ASIC3: variants seen among roughly 807,000 people sequenced by gnomAD.
The protein encoded by ASIC3 is acid-sensing ion channel 3.
Under a neutral mutation model 58.6 loss-of-function variants are expected in ASIC3, and 46 were observed. The observed-to-expected ratio is 0.79, with a 90% CI of 0.62 to 1.00. The LOEUF (loss-of-function observed/expected upper bound fraction) is 1.00, where lower values mean the gene tolerates loss of function less well. Ranked by LOEUF, ASIC3 falls within the 50% of genes least tolerant of loss-of-function variation. ASIC3 has a pLI of 0.00. For missense variants in ASIC3, 770 were observed against 735.0 expected, an observed-to-expected ratio of 1.05 and a Z score of -0.55; for synonymous variants, 336 against 300.2, an observed-to-expected ratio of 1.12 and a Z score of -1.23.
chr7:151,049,874 C>T (rs1467248284), intron 1 of ASIC3, among the ~76,000 whole-genome samples: 2 of 152,240 alleles, frequency 1.3e-5, no homozygotes, highest in Non-Finnish European at 2.9e-5. Context: ...ACAGAAAAAC[C>T]TGTAGGCTGT....
At chr7:151,051,390 G>T in intron 6 of ASIC3, 71 bp downstream of exon 6, 2 of 1,407,964 alleles carry the variant, frequency 1.4e-6, no homozygotes, top group Non-Finnish European at 9.2e-7. Flanking sequence ...GGCAGGCCAG[G>T]CCGTAGCCCT....
chr7:151,051,152 C>A lies in ASIC3; in HGVS notation c.1067-20C>A. The A allele has an allele frequency of 1.3e-6, 2 of 1,597,210 alleles. No individual in the cohort carries two copies. The highest frequency in any genetic ancestry group is 2.3e-5 in the East Asian group (1 of 44,406). On this transcript the variant is annotated intron_variant, in intron 5 of 10. Coordinates refer to ENST00000349064, the MANE Select transcript of ASIC3 (RefSeq NM_004769.4). The stretch of plus-strand genomic sequence containing the variant: ...CCCCGCTCCGCCCGCGGGCGTCTGA[C>A]GCGGCCCGGTGGCCCGCAGATGCCA...
Position 151,052,723 on chromosome 7 carries a change from G to A in ASIC3, c.*71G>A, listed in dbSNP as rs2288646. The A allele has an allele frequency of 1.3e-3, 2,125 of 1,613,968 alleles. 54 individuals carry two copies. In the East Asian group the frequency reaches 0.041, roughly 31 times the overall value. The stretch of plus-strand genomic sequence containing the variant: ...TGCCTAGCCTGCACGTAGCTTTTCC[G>A]TCTTCACCCCAAATAAAGTCCTAAT... On this transcript the variant is annotated 3_prime_UTR_variant, in exon 11 of 11. Coordinates refer to ENST00000349064, the MANE Select transcript of ASIC3 (RefSeq NM_004769.4). The surrounding 1 kb of genome is among the most constrained non-coding windows in gnomAD (Gnocchi z 5.0).
intron 2 of ASIC3, 23 bp from the exon 3 acceptor site, chr7:151,050,458 C>T: frequency 6.2e-7 from 1 of 1,611,778 alleles, no homozygotes; most frequent in Non-Finnish European, 8.5e-7. Flanking sequence ...ACAGGTCAGG[C>T]CTCACAGGTC....
At chr7:151,050,400 G>C in intron 2 of ASIC3, 81 bp from the exon 3 acceptor site, 1 of 1,580,244 alleles carries the variant, frequency 6.3e-7, no homozygotes, top group Non-Finnish European at 8.6e-7. Context: ...CCTGGGGAGA[G>C]GGGCTGCAGT....
rs752631288 is a variant in ASIC3, at chr7:151,052,397, C to A, written c.1459-19C>A. 5 of 1,613,944 alleles carry A rather than the reference C, an allele frequency of 3.1e-6. No individual in the cohort carries two copies. The highest frequency in any genetic ancestry group is 3.3e-5 in the Admixed American group (2 of 60,016). On this transcript the variant is annotated intron_variant, in intron 9 of 10. Coordinates refer to ENST00000349064, the MANE Select transcript of ASIC3 (RefSeq NM_004769.4). This position sits in a 1 kb window ranked among gnomAD's most constrained non-coding sequence, Gnocchi z 5.0. ...GAGGAGGACCACTCCCCACCTCTGA[C>A]CCTCTCGTCCTCACACAGCTTCAGG... is the stretch of plus-strand genomic sequence containing the variant.
At position 151,050,215 on chromosome 7, in the gene ASIC3, A is replaced by AC. The variant is rs1796735102; in HGVS notation, c.645dup (p.Val216ArgfsTer14). The AC allele has an allele frequency of 6.2e-7, 1 of 1,613,914 alleles. No homozygotes were observed. The stretch of plus-strand genomic sequence containing the variant: ...GGCAATGGGCTGGACATCATGCTGG[A>AC]CGTGCAGCAGGAGGAATATCTACCT... On this transcript the variant is annotated frameshift_variant, in exon 2 of 11. Transcript: ENST00000349064. LOFTEE classifies it high-confidence loss of function.
Position 151,049,011 on chromosome 7 carries a change from G to T in ASIC3, c.126G>T (p.Arg42=). Residue 42 remains arginine, a synonymous_variant, in exon 1 of 11, where the codon CGG becomes CGT. Transcript: ENST00000349064. ...GGCCAGGCAGCCTGAGCCTGCGCCG[G>T]GGGATGTGGGCAGCGGCCGTGGTCC... The part of the protein sequence containing the change: ...VFGPGSLSLR[R]GMWAAAVVLS... 1 of 1,612,530 alleles carries T rather than the reference G, an allele frequency of 6.2e-7. No individual in the cohort carries two copies. Among genetic ancestry groups the T allele is most frequent in the South Asian group, 1.1e-5 (1 of 91,070 alleles).
In ASIC3 at chr7:151,052,038, C is replaced by T. The variant is rs201063435; in HGVS notation, c.1362C>T (p.Leu454=). ...TCGGGGCCAGCCTGCTCACCATCCT[C>T]GAGATCCTAGACTACCTCTGTGAGG... ...LFIGASLLTI[L]EILDYLCEVF... The change falls in exon 8 of 11, where the codon CTC becomes CTT. Residue 454 remains leucine (L), a synonymous_variant. Coordinates refer to ENST00000349064, the MANE Select transcript of ASIC3 (RefSeq NM_004769.4). The surrounding 1 kb of genome is among the most constrained non-coding windows in gnomAD (Gnocchi z 5.0). 12 of 1,613,398 alleles carry T rather than the reference C, an allele frequency of 7.4e-6. No individual in the cohort carries two copies. The Middle Eastern group carries it at 4.9e-4, about 67-fold the overall frequency.
At position 151,050,853 on chromosome 7, in the gene ASIC3, C is replaced by G; in HGVS notation, c.909C>G (p.Ser303Arg). The change falls in exon 4 of 11, where the codon AGC becomes AGG. Residue 303 changes from serine to arginine, a missense_variant. Transcript: ENST00000349064. ...PEPSDPLGSP[S>R]PSPSPPYTLM... The stretch of plus-strand genomic sequence containing the variant: ...CCTCTGATCCCCTAGGCTCCCCCAG[C>G]CCCAGCCCCAGCCCTCCCTATACCC... 1 of 1,611,866 alleles carries G rather than the reference C, an allele frequency of 6.2e-7. No homozygotes were observed. The highest frequency in any genetic ancestry group is 1.1e-5 in the South Asian group (1 of 91,032).
rs750777531 is a variant in ASIC3, at chr7:151,051,832, ATCT to A, written c.1242_1244del (p.Phe415del). 6.8e-6 allele frequency: 11 copies of A among 1,613,668 alleles called. No homozygotes were observed. In the Admixed American group the frequency reaches 8.3e-5, roughly 12 times the overall value. On this transcript the variant is annotated inframe_deletion, in exon 7 of 11. Transcript: ENST00000349064. ...CAGGGAGAACGTGCTGGCCCTGGACATCTTCTTTGAGGCCCTCAACTATGAGAC... is the reference window on the plus strand; with the variant it reads ...CAGGGAGAACGTGCTGGCCCTGGACATCTTTGAGGCCCTCAACTATGAGAC...
chr7:151,051,079 T>A lies in ASIC3; in HGVS notation c.1050T>A (p.Cys350Ter). The A allele has an allele frequency of 6.2e-7, 1 of 1,612,810 alleles. No individual in the cohort carries two copies. Among genetic ancestry groups the A allele is most frequent in the South Asian group, 1.1e-5 (1 of 91,068 alleles). The stretch of plus-strand genomic sequence containing the variant: ...GCAGCCCCCAGCAGTACAAGAACTG[T>A]GCCCACCCGGCCATAGGTAAGGGCG... Reference protein sequence around the residue: ...PVCSPQQYKNCAHPAIDAMLR... With the variant: ...PVCSPQQYKN Residue 350 changes from cysteine to a stop codon, truncating the protein, a stop_gained, in exon 5 of 11, where the codon TGT becomes TGA. Transcript: ENST00000349064. LOFTEE classifies it high-confidence loss of function.
Position 151,049,154 on chromosome 7 carries a change from C to G in ASIC3, c.269C>G (p.Thr90Ser). Reference sequence around the variant, plus strand: ...CACCGGCTCATCTTCCCGGCTGTCACCCTGTGCAACATCAACCCACTGCGC... The same window carrying G: ...CACCGGCTCATCTTCCCGGCTGTCAGCCTGTGCAACATCAACCCACTGCGC... ...ESHRLIFPAV[T>S]LCNINPLRRS... The change falls in exon 1 of 11, where the codon ACC (threonine) becomes AGC (serine). Residue 90 changes from threonine to serine, a missense_variant. Coordinates refer to ENST00000349064, the MANE Select transcript of ASIC3 (RefSeq NM_004769.4). 1 of 1,613,874 alleles carries G rather than the reference C, an allele frequency of 6.2e-7. No homozygotes were observed. Among genetic ancestry groups the G allele is most frequent in the Non-Finnish European group, 8.5e-7 (1 of 1,179,904 alleles).
At position 151,051,239 on chromosome 7, in the gene ASIC3, G is replaced by C; in HGVS notation, c.1134G>C (p.Glu378Asp). 6.4e-7 allele frequency: 1 copy of C among 1,566,216 alleles called. No homozygotes were observed. The highest frequency in any genetic ancestry group is 8.6e-7 in the Non-Finnish European group (1 of 1,163,748). Residue 378 changes from glutamate (E) to aspartate (D), a missense_variant, in exon 6 of 11, where the codon GAG (glutamate) becomes GAC (aspartate). Physicochemically the swap from Glu to Asp is conservative, Grantham distance 45. Transcript: ENST00000349064. ...GCGCCAGCACGCGCTACGCCAAGGA[G>C]CTCTCCATGGTGCGGATCCCGAGCC... ...NPCASTRYAK[E>D]LSMVRIPSRA...
Position 151,052,302 on chromosome 7 carries a change from A to C in ASIC3, c.1458+65A>C. On this transcript the variant is annotated intron_variant, in intron 9 of 10. Coordinates refer to ENST00000349064, the MANE Select transcript of ASIC3 (RefSeq NM_004769.4). This position sits in a 1 kb window ranked among gnomAD's most constrained non-coding sequence, Gnocchi z 5.0. ...GTGCTAGGGCCCACCCCTGAAGCCTAGACCACCATCCCGCCCCAGCTGAGG... is the reference window on the plus strand; with the variant it reads ...GTGCTAGGGCCCACCCCTGAAGCCTCGACCACCATCCCGCCCCAGCTGAGG... 6.2e-7 allele frequency: 1 copy of C among 1,612,996 alleles called. No homozygotes were observed. The highest frequency in any genetic ancestry group is 1.7e-5 in the Admixed American group (1 of 59,980).
Position 151,049,269 on chromosome 7 carries a change from C to T in ASIC3, c.384C>T (p.Ala128=). ...DPAEHAAFLR[A]LGRPPAPPGF... is the part of the protein sequence containing the mutation. ...CAGAGCACGCCGCCTTCCTGCGCGCCCTGGGCCGGCCCCCTGCACCGCCCG... is the reference window on the plus strand; with the variant it reads ...CAGAGCACGCCGCCTTCCTGCGCGCTCTGGGCCGGCCCCCTGCACCGCCCG... Residue 128 remains alanine (A), a synonymous_variant, in exon 1 of 11, where the codon GCC becomes GCT. Coordinates refer to ENST00000349064, the MANE Select transcript of ASIC3 (RefSeq NM_004769.4). The T allele has an allele frequency of 3.7e-6, 6 of 1,612,340 alleles. No individual in the cohort carries two copies. The highest frequency in any genetic ancestry group is 3.4e-6 in the Non-Finnish European group (4 of 1,179,730).
rs769267978 is a variant in ASIC3 at position 151,049,078 on chromosome 7, C to T, written c.193C>T (p.Arg65Cys). 20 of 1,613,858 alleles carry T rather than the reference C, an allele frequency of 1.2e-5. No individual in the cohort carries two copies. Among genetic ancestry groups the T allele is most frequent in the Middle Eastern group, 1.6e-4 (1 of 6,062 alleles). Residue 65 changes from arginine to cysteine, a missense_variant, in exon 1 of 11, where the codon CGC (arginine) becomes TGC (cysteine). Arg to Cys is a radical substitution (Grantham distance 180). Transcript: ENST00000349064. ...TFLYQVAERVRYYREFHHQTA... is the reference protein window; with the variant it reads ...TFLYQVAERVCYYREFHHQTA... ...CCTCTACCAGGTGGCTGAGAGGGTG[C>T]GCTACTACAGGGAGTTCCACCACCA... is the stretch of plus-strand genomic sequence containing the variant.
rs767321824 is a variant in ASIC3, at chr7:151,052,579, C to T, written c.1523C>T (p.Pro508Leu). 3.7e-6 allele frequency: 6 copies of T among 1,613,858 alleles called. No individual in the cohort carries two copies. The African/African-American group carries it at 4.0e-5, about 11-fold the overall frequency. Residue 508 changes from proline to leucine, a missense_variant, in exon 11 of 11, where the codon CCC becomes CTC. Transcript: ENST00000349064. This position sits in a 1 kb window ranked among gnomAD's most constrained non-coding sequence, Gnocchi z 5.0. ...VPHLSLGPRP[P>L]TPPCAVTKTL... ...CACTCTGCTCTGTTCCGAAGACCTC[C>T]CACCCCTCCCTGTGCCGTCACCAAG...
chr7:151,052,559 T>C lies in ASIC3; in HGVS notation c.1518-15T>C. On this transcript the variant is annotated splice_polypyrimidine_tract_variant and intron_variant, in intron 10 of 10. Coordinates refer to ENST00000349064, the MANE Select transcript of ASIC3 (RefSeq NM_004769.4). The surrounding 1 kb of genome is among the most constrained non-coding windows in gnomAD (Gnocchi z 5.0). Reference sequence around the variant, plus strand: ...TGTGCCCGTTCCCACCCCAGCACTCTGCTCTGTTCCGAAGACCTCCCACCC... The same window carrying C: ...TGTGCCCGTTCCCACCCCAGCACTCCGCTCTGTTCCGAAGACCTCCCACCC... 1 of 1,613,768 alleles carries C rather than the reference T, an allele frequency of 6.2e-7. No homozygotes were observed. The highest frequency in any genetic ancestry group is 8.5e-7 in the Non-Finnish European group (1 of 1,179,866).
Sources: allele counts gnomAD v4.1 joint callset (sites outside exome capture counted in the v4.1 genomes callset), GRCh38; gene constraint gnomAD v4.1.1; non-coding constraint Gnocchi (gnomAD v3.1); transcripts MANE v1.5; gene names NCBI Gene and HGNC (gene_info 2026-07-23, HGNC 2026-07-21).